The following RUNDC3B variants were observed in gnomAD, a reference collection of about 807,000 sequenced individuals.
The protein encoded by RUNDC3B is RUN domain containing 3B.
A neutral mutation model predicts 58.4 loss-of-function variants in RUNDC3B; 33 were observed. That is an observed-to-expected ratio of 0.56 (90% CI 0.43 to 0.75). The LOEUF (loss-of-function observed/expected upper bound fraction) is 0.75, where lower values mean the gene tolerates loss of function less well. Among genes scored for constraint, RUNDC3B ranks in the 30% least tolerant of loss-of-function variants. The probability of loss-of-function intolerance (pLI) is 0.00; values close to 1 mark genes in which losing one functional copy is unlikely to be tolerated. For synonymous variants in RUNDC3B, 193 were observed against 195.2 expected (o/e 0.99, Z 0.10); for missense variants, 501 against 535.7 (o/e 0.94, Z 0.64).
chr7:87,662,295 C>T (rs1824791151), intron 2 of RUNDC3B, among the ~76,000 whole-genome samples: 1 of 152,060 alleles, frequency 6.6e-6, no homozygotes, highest in South Asian at 2.1e-4. Context: ...GTTCCCTGTT[C>T]TTATGGGGTG....
At chr7:87,774,818 T>A (rs1302424650) in intron 7 of RUNDC3B, among the ~76,000 whole-genome samples, 1 of 152,190 alleles carries the variant, frequency 6.6e-6, no homozygotes, top group Non-Finnish European at 1.5e-5. Flanking sequence ...AAGATTATAA[T>A]GGAGATGAAA....
At chr7:87,789,713 T>C (rs372677582) in intron 8 of RUNDC3B, among the ~76,000 whole-genome samples, 1 of 152,210 alleles carries the variant, frequency 6.6e-6, no homozygotes, top group South Asian at 2.1e-4. Context: ...GGATAAACCA[T>C]GTTCTATTGC....
intron 4 of RUNDC3B, among the ~76,000 whole-genome samples, chr7:87,735,737 C>G (rs1584045602): frequency 1.3e-5 from 2 of 152,236 alleles, no homozygotes; most frequent in Middle Eastern, 6.8e-3. Context: ...CTTGAGAATG[C>G]CTTACTTAAT....
At chr7:87,764,866 G>A (rs910677649) in intron 6 of RUNDC3B, among the ~76,000 whole-genome samples, 2 of 151,830 alleles carry the variant, frequency 1.3e-5, no homozygotes, top group Non-Finnish European at 3.0e-5. Context: ...AACATACAAG[G>A]GAGAGTGTCT....
At chr7:87,648,568 G>A (rs1478966843) in intron 1 of RUNDC3B, among the ~76,000 whole-genome samples, 1 of 151,810 alleles carries the variant, frequency 6.6e-6, no homozygotes, top group Non-Finnish European at 1.5e-5. Flanking sequence ...ATCTTAAGTT[G>A]TATAAATGAG....
chr7:87,712,970 G>A (rs1486319305), intron 4 of RUNDC3B, among the ~76,000 whole-genome samples: 1 of 151,968 alleles, frequency 6.6e-6, no homozygotes, highest in African/African-American at 2.4e-5. Context: ...TATCTTAGAA[G>A]TTAACTAAAA....
chr7:87,702,025 C>T (rs1303804057), intron 3 of RUNDC3B, among the ~76,000 whole-genome samples: 1 of 151,282 alleles, frequency 6.6e-6, no homozygotes, highest in Admixed American at 6.6e-5. Flanking sequence ...CACCTGTAAT[C>T]CCAGCTACTT....
intron 10 of RUNDC3B, among the ~76,000 whole-genome samples, chr7:87,826,096 A>C (rs1056824508): frequency 6.6e-6 from 1 of 152,154 alleles, no homozygotes; most frequent in Non-Finnish European, 1.5e-5. Context: ...ATGTTAGGAC[A>C]TGAGACTTGG....
intron 7 of RUNDC3B, among the ~76,000 whole-genome samples, chr7:87,773,510 G>A (rs922608430): frequency 2.6e-5 from 4 of 151,926 alleles, no homozygotes; most frequent in African/African-American, 7.3e-5. Context: ...TAGATTGAAC[G>A]GATATAGTGA....
chr7:87,818,691 T>C (rs556897988), intron 10 of RUNDC3B, among the ~76,000 whole-genome samples: 3 of 152,246 alleles, frequency 2.0e-5, no homozygotes, highest in South Asian at 4.1e-4. Context: ...CATGCTCCTG[T>C]AACAAGCTGT....
At position 87,807,529 on chromosome 7, in the gene RUNDC3B, A is replaced by G. The variant is rs780488066; in HGVS notation, c.1103+10A>G. The G allele has an allele frequency of 6.2e-7, 1 of 1,608,108 alleles. No homozygotes were observed. The highest frequency in any genetic ancestry group is 1.1e-5 in the South Asian group (1 of 90,868). On this transcript the variant is annotated intron_variant, in intron 9 of 10. Transcript: ENST00000394654. ...ATAAACAGTGGTATGAGTAAGTGTA[A>G]TACTTTTTTTTCCAACTAATTAATA...
In RUNDC3B at chr7:87,807,237, G is replaced by A. The variant is rs370549955; in HGVS notation, c.957-136G>A. 5 of 670,790 alleles carry A rather than the reference G, an allele frequency of 7.5e-6. No individual in the cohort carries two copies. The East Asian group carries it at 1.1e-4, about 15-fold the overall frequency. 41.6% of individuals were successfully genotyped at this position (670,790 alleles called of 1,614,324 possible). A position where few individuals can be genotyped will look rare whatever the true frequency, so the allele number is the denominator to read the frequency against. On this transcript the variant is annotated intron_variant, in intron 8 of 10. Transcript: ENST00000394654. ...AACAATCATTGTCCCAACCATCCTT[G>A]CTGTAGTTCTGTTCACAATCTATTA...
At chr7:87,739,042 G>A (rs540817704) in intron 4 of RUNDC3B, among the ~76,000 whole-genome samples, 20 of 151,728 alleles carry the variant, frequency 1.3e-4, no homozygotes, top group South Asian at 6.2e-4. Flanking sequence ...ATAGTACTAC[G>A]TTTTAAAAGA....
intron 10 of RUNDC3B, among the ~76,000 whole-genome samples, chr7:87,826,472 A>T (rs1837814365): frequency 6.6e-6 from 1 of 151,606 alleles, no homozygotes; most frequent in African/African-American, 2.4e-5. Flanking sequence ...AAAATGGACT[A>T]ATACAAGGTA....
intron 4 of RUNDC3B, among the ~76,000 whole-genome samples, chr7:87,732,609 A>G (rs542160332): frequency 1.0e-3 from 152 of 152,278 alleles, no homozygotes; most frequent in African/African-American, 3.6e-3. Context: ...GAGAAATAAC[A>G]GACACACACA....
intron 1 of RUNDC3B, among the ~76,000 whole-genome samples, chr7:87,636,219 G>A (rs1325188708): frequency 2.0e-5 from 3 of 152,148 alleles, no homozygotes; most frequent in East Asian, 1.9e-4. Context: ...AGTTCCAGTT[G>A]TTCTGTATCC....
chr7:87,806,425 T>A (rs1232510753), intron 8 of RUNDC3B, among the ~76,000 whole-genome samples: 1 of 152,204 alleles, frequency 6.6e-6, no homozygotes, highest in Non-Finnish European at 1.5e-5. Context: ...ATTACTTCTC[T>A]GCTTCTGAAT....
chr7:87,738,801 TAGTA>T (rs927290661), intron 4 of RUNDC3B, among the ~76,000 whole-genome samples: 16 of 151,950 alleles, frequency 1.1e-4, no homozygotes, highest in Non-Finnish European at 1.9e-4. Context: ...TAAAAATACT[TAGTA>T]AGCTGTGAAC....
intron 8 of RUNDC3B, among the ~76,000 whole-genome samples, chr7:87,796,343 G>A (rs1835818676): frequency 6.6e-6 from 1 of 152,012 alleles, no homozygotes; most frequent in South Asian, 2.1e-4. Flanking sequence ...ATGGAAGTAG[G>A]GATGGTTAAT....
Sources: allele counts gnomAD v4.1 joint callset (sites outside exome capture counted in the v4.1 genomes callset), GRCh38; gene constraint gnomAD v4.1.1; transcripts MANE v1.5; gene names NCBI Gene and HGNC (gene_info 2026-07-23, HGNC 2026-07-21).